The following CHST13 variants were observed in gnomAD, a reference collection of about 807,000 sequenced individuals.
CHST13 encodes carbohydrate sulfotransferase 13, also known as C4ST-3.
Under a neutral mutation model 7.0 loss-of-function variants are expected in CHST13, and 1 was observed. The observed-to-expected ratio is 0.14, with a 90% CI of 0.05 to 0.68. The LOEUF is 0.68. Among genes scored for constraint, CHST13 ranks in the 30% least tolerant of loss-of-function variants. The pLI, the probability that CHST13 is intolerant of heterozygous loss-of-function variation, is 0.82. For synonymous variants in CHST13, 257 were observed against 240.9 expected, an observed-to-expected ratio of 1.07 and a Z score of -0.62; for missense variants, 572 against 507.9, an observed-to-expected ratio of 1.13 and a Z score of -1.21.
At chr3:126,540,519 G>A (rs929405947) in intron 2 of CHST13, among the ~76,000 whole-genome samples, 3 of 152,174 alleles carry the variant, frequency 2.0e-5, no homozygotes, top group Non-Finnish European at 4.4e-5. Flanking sequence ...TATTCGCTTG[G>A]CATAACGCCC....
chr3:126,541,121 C>T (rs1454909762), intron 2 of CHST13, among the ~76,000 whole-genome samples: 15 of 152,104 alleles, frequency 9.9e-5, no homozygotes. Flanking sequence ...GCTGCTGGCC[C>T]GCAGCAGGTG....
At chr3:126,532,266 T>G (rs1450769725) in intron 1 of CHST13, among the ~76,000 whole-genome samples, 1 of 152,262 alleles carries the variant, frequency 6.6e-6, no homozygotes, top group Non-Finnish European at 1.5e-5. Flanking sequence ...TTTTTAATAT[T>G]GATGTAGTTC....
chr3:126,535,372 G>A (rs75865314), intron 1 of CHST13, among the ~76,000 whole-genome samples: 12 of 131,074 alleles, frequency 9.2e-5, no homozygotes, highest in South Asian at 5.2e-4. Context: ...AGACAGCATC[G>A]CTGTCCCCAG....
chr3:126,524,454 G>A, intron 1 of CHST13, 25 bp downstream of exon 1: 2 of 930,500 alleles, frequency 2.1e-6, no homozygotes, highest in South Asian at 5.4e-5. Flanking sequence ...GCCGAGCCGC[G>A]CACCCCCAAC....
In CHST13 at chr3:126,536,323, C is replaced by T. The variant is rs147017058; in HGVS notation, c.150C>T (p.Ser50=). The change falls in exon 2 of 3, where the codon AGC becomes AGT. Residue 50 remains serine, a synonymous_variant. Transcript: ENST00000319340. The stretch of plus-strand genomic sequence containing the variant: ...GCTGGCTTGGTGGGGAGAAGAGAAG[C>T]CCCCTGCAGAAGCTCTATGACCTGG... ...GSSWLGGEKR[S]PLQKLYDLDQ... 206 of 1,613,968 alleles carry T rather than the reference C, an allele frequency of 1.3e-4. 4 individuals carry two copies. Among genetic ancestry groups the T allele is most frequent in the South Asian group, 1.0e-3 (95 of 91,052 alleles).
At chr3:126,524,481 C>A (rs1168697323) in intron 1 of CHST13, 52 bp downstream of exon 1, 4 of 610,956 alleles carry the variant, frequency 6.5e-6, no homozygotes, top group African/African-American at 5.8e-5. Flanking sequence ...TGGCTCCTCG[C>A]GCTTTCCACC....
chr3:126,532,708 TCTAA>T (rs1041902114), intron 1 of CHST13, among the ~76,000 whole-genome samples: 8 of 152,374 alleles, frequency 5.3e-5, no homozygotes, highest in African/African-American at 1.4e-4. Context: ...ATGTGAATCC[TCTAA>T]CTTTGTTCTT....
intron 1 of CHST13, chr3:126,529,211 G>C: frequency 1.2e-6 from 1 of 835,122 alleles, no homozygotes; most frequent in East Asian, 6.3e-5. Flanking sequence ...TAGGTTTCTA[G>C]TGTGGTGTTT....
chr3:126,526,108 C>A (rs1231385096), intron 1 of CHST13, among the ~76,000 whole-genome samples: 1 of 152,224 alleles, frequency 6.6e-6, no homozygotes, highest in East Asian at 1.9e-4. Flanking sequence ...TGGCCTGTCT[C>A]CAGCCATCAC....
In CHST13 at chr3:126,524,445, C is replaced by A; in HGVS notation, c.97+16C>A. 1.0e-6 allele frequency: 1 copy of A among 992,906 alleles called. No individual in the cohort carries two copies. The highest frequency in any genetic ancestry group is 1.3e-6 in the Non-Finnish European group (1 of 771,476). The allele number at this position is 992,906 out of a possible 1,614,324, so 61.5% of individuals were successfully genotyped here. On this transcript the variant is annotated intron_variant, in intron 1 of 2. Transcript: ENST00000319340. ...CTGCGCCCGGGTGAGTGCCCGCCGGCCGAGCCGCGCACCCCCAACCAAACC... is the reference window on the plus strand; with the variant it reads ...CTGCGCCCGGGTGAGTGCCCGCCGGACGAGCCGCGCACCCCCAACCAAACC...
rs578088033 is a variant in CHST13 at position 126,531,620 on chromosome 3, C to T, written c.98-4651C>T. ...TTAACATAACGTTTACAAGGTTCAG[C>T]CACACGGAAGCATGAGCCAATTCTT... On this transcript the variant is annotated intron_variant, in intron 1 of 2. Coordinates refer to ENST00000319340, the MANE Select transcript of CHST13 (RefSeq NM_152889.3). Among the ~76,000 whole-genome samples, 3 of 152,322 alleles carry T rather than the reference C, an allele frequency of 2.0e-5. No individual in the cohort carries two copies. In the South Asian group the frequency reaches 6.2e-4, roughly 32 times the overall value.
Position 126,542,189 on chromosome 3 carries a change from C to T in CHST13, c.637C>T (p.Leu213Phe). The stretch of plus-strand genomic sequence containing the variant: ...CGTTCAGCGCCTGCGGCCGCGCGCG[C>T]TCCCCGACGCCCGGGCCCGCGGCCA... ...RIVQRLRPRA[L>F]PDARARGHDV... Residue 213 changes from leucine (L) to phenylalanine (F), a missense_variant, in exon 3 of 3, where the codon CTC becomes TTC. By Grantham distance (22) the Leu-to-Phe change is conservative. Transcript: ENST00000319340. The T allele has an allele frequency of 6.9e-7, 1 of 1,442,006 alleles. No individual in the cohort carries two copies. Among genetic ancestry groups the T allele is most frequent in the South Asian group, 1.4e-5 (1 of 72,968 alleles). 89.3% of individuals were successfully genotyped at this position (1,442,006 alleles called of 1,614,324 possible).
At position 126,541,266 on chromosome 3, in the gene CHST13, G is replaced by A. The variant is rs866648023; in HGVS notation, c.181-467G>A. On this transcript the variant is annotated intron_variant, in intron 2 of 2. Transcript: ENST00000319340. ...GAAGGTGCAAAGGAGAGTGCTGATT[G>A]GTAAGTACAGAATCAGCCCATTTAT... Among the ~76,000 whole-genome samples, 20 of 152,318 alleles carry A rather than the reference G, an allele frequency of 1.3e-4. No individual in the cohort carries two copies. The Middle Eastern group carries it at 0.01, about 78-fold the overall frequency.
rs1456649815 is a variant in CHST13, at chr3:126,536,177, G to A, written c.98-94G>A. On this transcript the variant is annotated intron_variant, in intron 1 of 2. Coordinates refer to ENST00000319340, the MANE Select transcript of CHST13 (RefSeq NM_152889.3). ...CCGGGAAGGAAATTGAGTGCCAGAGGTGGGTCAAATGTGCCTAGATGGGTT... is the reference window on the plus strand; with the variant it reads ...CCGGGAAGGAAATTGAGTGCCAGAGATGGGTCAAATGTGCCTAGATGGGTT... 5 of 974,266 alleles carry A rather than the reference G, an allele frequency of 5.1e-6. No homozygotes were observed. In the African/African-American group the frequency reaches 6.4e-5, roughly 13 times the overall value. 60.4% of individuals were successfully genotyped at this position (974,266 alleles called of 1,614,324 possible).
intron 1 of CHST13, among the ~76,000 whole-genome samples, chr3:126,525,165 C>T (rs1422646658): frequency 2.6e-5 from 4 of 152,166 alleles, no homozygotes; most frequent in African/African-American, 9.7e-5. Flanking sequence ...GCCCAGCCAG[C>T]GCCCGGGTCT....
intron 1 of CHST13, among the ~76,000 whole-genome samples, chr3:126,524,783 C>T (rs1010264526): frequency 6.6e-6 from 1 of 152,216 alleles, no homozygotes; most frequent in Admixed American, 6.5e-5. Flanking sequence ...CACCCCACGG[C>T]CCCTGGACAT....
chr3:126,524,554 G>C, intron 1 of CHST13, 125 bp downstream of exon 1: 1 of 366,362 alleles, frequency 2.7e-6, no homozygotes, highest in Non-Finnish European at 4.8e-6. Flanking sequence ...GGGGCTAGGG[G>C]TGGCGGGCAG....
rs1022156174 is a variant in CHST13 at position 126,542,324 on chromosome 3, C to T, written c.772C>T (p.Arg258Cys). ...ERAHALCHPC[R>C]LRYDVVGKFE... ...CGCGCACGCGCTCTGCCACCCGTGT[C>T]GCCTCCGCTACGACGTCGTGGGCAA... Residue 258 changes from arginine (R) to cysteine (C), a missense_variant, in exon 3 of 3, where the codon CGC becomes TGC. By Grantham distance (180) the Arg-to-Cys change is radical (BLOSUM62 -3). Transcript: ENST00000319340. 9 of 1,568,502 alleles carry T rather than the reference C, an allele frequency of 5.7e-6. No individual in the cohort carries two copies. The highest frequency in any genetic ancestry group is 5.6e-5 in the African/African-American group (4 of 71,784).
Position 126,542,752 on chromosome 3 carries a change from TCAGGTGGCCCTGCACG to T in CHST13, c.*176_*191del. The T allele has an allele frequency of 2.0e-6, 2 of 1,016,030 alleles. No homozygotes were observed. Among genetic ancestry groups the T allele is most frequent in the Non-Finnish European group, 2.6e-6 (2 of 766,072 alleles). The allele number at this position is 1,016,030 out of a possible 1,614,324, so 62.9% of individuals were successfully genotyped here. A position where few individuals can be genotyped will look rare whatever the true frequency, so the allele number is the denominator to read the frequency against. On this transcript the variant is annotated 3_prime_UTR_variant, in exon 3 of 3. Coordinates refer to ENST00000319340, the MANE Select transcript of CHST13 (RefSeq NM_152889.3). ...TGGCCAGGCTTGGGGGCAGCCCATC[TCAGGTGGCCCTGCACG>T]CGTGTGCCTGCCTCGGCCTGTCGCC...
Sources: allele counts gnomAD v4.1 joint callset (sites outside exome capture counted in the v4.1 genomes callset), GRCh38; gene constraint gnomAD v4.1.1; transcripts MANE v1.5; gene names NCBI Gene and HGNC (gene_info 2026-07-23, HGNC 2026-07-21).